Variants in ZNF91 observed in about 807,000 individuals in gnomAD.
ZNF91 encodes the protein zinc finger protein 91.
ZNF91 carries 7 observed loss-of-function variants against 12.6 expected under a neutral mutation model. That is an observed-to-expected ratio of 0.55 (90% confidence interval 0.31 to 1.04). The LOEUF is 1.04. Among genes scored for constraint, ZNF91 ranks in the 50% least tolerant of loss-of-function variants. The pLI is 0.05. For synonymous variants in ZNF91, 453 were observed against 462.6 expected, an observed-to-expected ratio of 0.98 and a Z score of 0.27; for missense variants, 1,217 against 1,385.4, an observed-to-expected ratio of 0.88 and a Z score of 1.93.
At chr19:23,385,131 C>T (rs1599756435) in intron 1 of ZNF91, 8 of 743,810 alleles carry the variant, frequency 1.1e-5, no homozygotes, top group South Asian at 6.4e-5. Context: ...AATGGCCAGC[C>T]GAAGACATGT....
rs543301935 is a variant in ZNF91 at position 23,358,984 on chromosome 19, G to GT, written c.*418dup. 146 of 458,430 alleles carry GT rather than the reference G, an allele frequency of 3.2e-4. No homozygotes were observed. The highest frequency in any genetic ancestry group is 2.7e-3 in the African/African-American group (136 of 49,558). The allele number at this position is 458,430 out of a possible 1,614,324, so 28.4% of individuals were successfully genotyped here. A position where few individuals can be genotyped will look rare whatever the true frequency, so the allele number is the denominator to read the frequency against. On this transcript the variant is annotated 3_prime_UTR_variant, in exon 4 of 4. Transcript: ENST00000300619. ...TCCAATATGAGTTATCTTATCTGTAGTAAGGTGTGAAAACTGGTTAAAGGC... is the reference window on the plus strand; with the variant it reads ...TCCAATATGAGTTATCTTATCTGTAGTTAAGGTGTGAAAACTGGTTAAAGGC...
upstream of ZNF91, among the ~76,000 whole-genome samples, chr19:23,311,615 G>C (rs1392794167): frequency 1.3e-5 from 2 of 152,120 alleles, no homozygotes; most frequent in African/African-American, 2.4e-5. Context: ...CCCACAGGAG[G>C]CCTGTGACAT....
chr19:23,314,268 T>G (rs1456650296), upstream of ZNF91, among the ~76,000 whole-genome samples: 1 of 152,168 alleles, frequency 6.6e-6, no homozygotes, highest in African/African-American at 2.4e-5. Flanking sequence ...GTTATTCTCC[T>G]CTCTTACTTG....
chr19:23,338,698 G>C (rs908085533), downstream of ZNF91: 1 of 151,914 alleles, frequency 6.6e-6, no homozygotes, highest in Non-Finnish European at 1.5e-5. Context: ...CATTATGATA[G>C]TAACAAAACC....
rs755037086 is a variant in ZNF91 at position 23,362,737 on chromosome 19, A to AC, written c.254-13_254-12insG. The AC allele has an allele frequency of 4.2e-6, 6 of 1,432,826 alleles. No homozygotes were observed. Among genetic ancestry groups the AC allele is most frequent in the South Asian group, 1.9e-5 (1 of 52,804 alleles). The allele number at this position is 1,432,826 out of a possible 1,614,324, so 88.8% of individuals were successfully genotyped here. ...ATGAGGACATATACCTGAAAAAAAAAAACTAAAAATAATAAATTACTCCAC... is the reference window on the plus strand; with the variant it reads ...ATGAGGACATATACCTGAAAAAAAAACAACTAAAAATAATAAATTACTCCAC... On this transcript the variant is annotated splice_polypyrimidine_tract_variant and intron_variant, in intron 3 of 3. Transcript: ENST00000300619.
chr19:23,314,493 A>G (rs1343892012), upstream of ZNF91, among the ~76,000 whole-genome samples: 1 of 151,966 alleles, frequency 6.6e-6, no homozygotes, highest in Non-Finnish European at 1.5e-5. Flanking sequence ...AGATTATGTG[A>G]CTCTCCTTTA....
At chr19:23,381,849 C>T (rs1969727925) in intron 1 of ZNF91, among the ~76,000 whole-genome samples, 1 of 152,100 alleles carries the variant, frequency 6.6e-6, no homozygotes, top group South Asian at 2.1e-4. Context: ...AAACAACTTA[C>T]TCAGTATCTT....
rs8112584 is a variant in ZNF91 at position 23,361,765 on chromosome 19, A to C, written c.1214T>G (p.Leu405Arg). The change falls in exon 4 of 4, where the codon CTC becomes CGC. Residue 405 changes from leucine to arginine, a missense_variant. Leu to Arg is a moderately radical substitution (Grantham distance 102, BLOSUM62 -2). This residue lies in a region of ZNF91 where 726 missense variants were observed against 895.5 expected (regional missense o/e 0.81). Coordinates refer to ENST00000300619, the MANE Select transcript of ZNF91 (RefSeq NM_003430.4). Reference protein sequence around the residue: ...KHKIIHAGEKLYKCEECGKAF... With the variant: ...KHKIIHAGEKRYKCEECGKAF... ...TTTGCCACATTCTTCACATTTGTAG[A>C]GTTTCTCTCCAGCATGTATTATTTT... 837 of 1,605,100 alleles carry C rather than the reference A, an allele frequency of 5.2e-4. 6 individuals are homozygous for C. The African/African-American group carries it at 0.011, about 20-fold the overall frequency.
chr19:23,316,504 G>A (rs1380618754), intron 1 of ZNF91, among the ~76,000 whole-genome samples: 1 of 152,144 alleles, frequency 6.6e-6, no homozygotes, highest in Non-Finnish European at 1.5e-5. Context: ...ACGTATTCCT[G>A]GCTGAGTACC....
intron 3 of ZNF91, among the ~76,000 whole-genome samples, chr19:23,369,813 C>CGTT (rs1193884756): frequency 2.7e-5 from 4 of 150,048 alleles, no homozygotes. Context: ...GCAGCATGCT[C>CGTT]GTTAAGAGTC....
Position 23,359,456 on chromosome 19 carries a change from C to T in ZNF91, c.3523G>A (p.Gly1175Ser), listed in dbSNP as rs958101770. The T allele has an allele frequency of 6.5e-7, 1 of 1,538,822 alleles. No homozygotes were observed. The highest frequency in any genetic ancestry group is 9.0e-7 in the Non-Finnish European group (1 of 1,114,112). The part of the protein sequence containing the change: ...LWEAEAGGSR[G>S]QEMETILANT... ...GCCAGGATGGTCTCCATCTCCTGAC[C>T]TCGTGATCCGCCCGCCTCGGCCTCC... The change falls in exon 4 of 4, where the codon GGT (glycine) becomes AGT (serine). Residue 1175 changes from glycine to serine, a missense_variant. Around this residue, in one of 2 missense-constraint regions of ZNF91, gnomAD observed 491 missense variants for 489.8 expected, o/e 1.00. Coordinates refer to ENST00000300619, the MANE Select transcript of ZNF91 (RefSeq NM_003430.4).
chr19:23,328,105 C>T (rs1967868801), intron 1 of ZNF91: 1 of 151,558 alleles, frequency 6.6e-6, no homozygotes. Context: ...ATCCAAATAT[C>T]TGCTTGTGAA....
At chr19:23,355,800 C>T (rs1968470714), downstream of ZNF91, among the ~76,000 whole-genome samples, 1 of 151,896 alleles carries the variant, frequency 6.6e-6, no homozygotes, top group Non-Finnish European at 1.5e-5. Context: ...TCAAGCAAAT[C>T]AGTAAGGAAA....
chr19:23,345,370 C>G (rs295391), intron 3 of ZNF91, among the ~76,000 whole-genome samples: 159 of 152,338 alleles, frequency 1.0e-3, no homozygotes, highest in African/African-American at 3.7e-3. Context: ...ACAATTCAAT[C>G]TGGCCACAAT....
rs1237598610 is a variant in ZNF91 at position 23,374,623 on chromosome 19, T to TAA, written c.157+13_157+14dup. On this transcript the variant is annotated intron_variant, in intron 2 of 3. Transcript: ENST00000300619. ...TTAGTTTATATTAGAAACTTAGTAT[T>TAA]AAAGTTTTCCTTACCCAGGAAGGCC... The TAA allele has an allele frequency of 7.5e-6, 12 of 1,601,154 alleles. No individual in the cohort carries two copies.
intron 3 of ZNF91, among the ~76,000 whole-genome samples, chr19:23,346,907 C>T (rs774990745): frequency 7.9e-5 from 12 of 152,316 alleles, no homozygotes; most frequent in Admixed American, 1.3e-4. Flanking sequence ...ATAGAAGCTC[C>T]GCACATCACC....
intron 3 of ZNF91, among the ~76,000 whole-genome samples, chr19:23,349,714 A>G (rs1486175831): frequency 6.6e-6 from 1 of 152,190 alleles, no homozygotes; most frequent in East Asian, 1.9e-4. Context: ...TGAGAGTCCA[A>G]GGACTCCTCA....
At chr19:23,371,272 G>T (rs552706461) in intron 3 of ZNF91, among the ~76,000 whole-genome samples, 1 of 152,178 alleles carries the variant, frequency 6.6e-6, no homozygotes, top group South Asian at 2.1e-4. Context: ...CTTGAATCTG[G>T]GAGGTGGAGG....
chr19:23,365,620 G>C (rs1259385483), intron 3 of ZNF91, among the ~76,000 whole-genome samples: 2 of 151,750 alleles, frequency 1.3e-5, no homozygotes, highest in Non-Finnish European at 2.9e-5. Flanking sequence ...CGCAGAGAGG[G>C]ATTTGGCAGG....
Sources: allele counts gnomAD v4.1 joint callset (sites outside exome capture counted in the v4.1 genomes callset), GRCh38; gene constraint gnomAD v4.1.1; regional missense constraint gnomAD v4.1.1; transcripts MANE v1.5; gene names NCBI Gene and HGNC (gene_info 2026-07-23, HGNC 2026-07-21).